Variants in CASKIN1 observed in about 807,000 individuals in gnomAD.
CASKIN1 encodes CASK interacting protein 1.
A neutral mutation model predicts 117.5 loss-of-function variants in CASKIN1; 42 were observed. The observed-to-expected ratio is 0.36, with a 90% CI of 0.28 to 0.46. CASKIN1 has a LOEUF of 0.46. Ranked by LOEUF, CASKIN1 falls within the 20% of genes least tolerant of loss-of-function variation. The pLI, the probability that CASKIN1 is intolerant of heterozygous loss-of-function variation, is 1.00. For missense variants in CASKIN1, 2,083 were observed against 2,077.3 expected (o/e 1.00, Z -0.05); for synonymous variants, 1,148 against 961.7 (o/e 1.19, Z -3.59).
chr16:2,195,012 T>G (rs973800005), intron 1 of CASKIN1, among the ~76,000 whole-genome samples: 1 of 152,196 alleles, frequency 6.6e-6, no homozygotes, highest in Non-Finnish European at 1.5e-5. Context: ...GAGCTGGAGT[T>G]GTCTGTGTCC....
chr16:2,189,163 A>AG lies in CASKIN1; in HGVS notation c.487-7dup. 6.2e-7 allele frequency: 1 copy of AG among 1,612,532 alleles called. No homozygotes were observed. Among genetic ancestry groups the AG allele is most frequent in the Non-Finnish European group, 8.5e-7 (1 of 1,179,486 alleles). On this transcript the variant is annotated splice_polypyrimidine_tract_variant and splice_region_variant and intron_variant, in intron 5 of 19. Coordinates refer to ENST00000343516, the MANE Select transcript of CASKIN1 (RefSeq NM_020764.4). ...CTGAGGAGCAGCTGGACCACCTTGA[A>AG]GGAGGGGTCAGGGTAGGGGGGTCCT...
chr16:2,188,981 A>G (rs2093192932), intron 6 of CASKIN1, 46 bp downstream of exon 6: 3 of 1,575,850 alleles, frequency 1.9e-6, no homozygotes, highest in Non-Finnish European at 1.7e-6. Context: ...CTGCTGCTGA[A>G]CCCTGGGGAC....
chr16:2,181,645 G>A (rs2093168510), intron 17 of CASKIN1, 46 bp from the exon 18 acceptor site: 8 of 1,522,424 alleles, frequency 5.3e-6, no homozygotes, highest in Non-Finnish European at 7.0e-6. Context: ...GGAGGCGGAG[G>A]GGCAGGGGCC....
chr16:2,193,000 C>T (rs531740072), intron 1 of CASKIN1, among the ~76,000 whole-genome samples: 3 of 152,300 alleles, frequency 2.0e-5, no homozygotes, highest in South Asian at 2.1e-4. Context: ...GCTCTCCTGT[C>T]GCCATCTCGA....
chr16:2,180,931 G>A lies in CASKIN1; in HGVS notation c.2437C>T (p.Pro813Ser), dbSNP rs937045795. 1 of 1,461,820 alleles carries A rather than the reference G, an allele frequency of 6.8e-7. No homozygotes were observed. 90.6% of individuals were successfully genotyped at this position (1,461,820 alleles called of 1,614,324 possible). The change falls in exon 18 of 20, where the codon CCG (proline) becomes TCG (serine). Residue 813 changes from proline (P) to serine (S), a missense_variant. Coordinates refer to ENST00000343516, the MANE Select transcript of CASKIN1 (RefSeq NM_020764.4). ...KVKPTPQLLP[P>S]TERPMSPRSL... Reference sequence around the variant, plus strand: ...CGGGGTGACATGGGGCGCTCTGTCGGCGGCAGCAGCTGCGGGGTGGGCTTC... The same window carrying A: ...CGGGGTGACATGGGGCGCTCTGTCGACGGCAGCAGCTGCGGGGTGGGCTTC...
At chr16:2,187,125 C>A (rs2093187321) in intron 8 of CASKIN1, 41 bp downstream of exon 8, 1 of 1,612,714 alleles carries the variant, frequency 6.2e-7, no homozygotes, top group Non-Finnish European at 8.5e-7. Context: ...CTGGCCCAGC[C>A]CCAGCCCCAG....
In CASKIN1 at chr16:2,182,002, G is replaced by A. The variant is rs1306651219; in HGVS notation, c.1630-73C>T. ...CCTGCCCATCTACCTGGAGCTGGAG[G>A]AGGAAGGGTCACCGGGCCAGCAGGG... On this transcript the variant is annotated intron_variant, in intron 16 of 19. Transcript: ENST00000343516. This position sits in a 1 kb window ranked among gnomAD's most constrained non-coding sequence, Gnocchi z 4.1. The A allele has an allele frequency of 6.3e-7, 1 of 1,595,640 alleles. No individual in the cohort carries two copies. Among genetic ancestry groups the A allele is most frequent in the Admixed American group, 1.7e-5 (1 of 59,562 alleles).
At position 2,184,474 on chromosome 16, in the gene CASKIN1, C is replaced by T. The variant is rs1360979579; in HGVS notation, c.1416+303G>A. Among the ~76,000 whole-genome samples, 4 of 152,290 alleles carry T rather than the reference C, an allele frequency of 2.6e-5. No homozygotes were observed. The South Asian group carries it at 6.2e-4, about 24-fold the overall frequency. On this transcript the variant is annotated intron_variant, in intron 14 of 19. Coordinates refer to ENST00000343516, the MANE Select transcript of CASKIN1 (RefSeq NM_020764.4). Reference sequence around the variant, plus strand: ...ATGCACACGCTGCACCATCTCATACCCATCCCCTTCCACCTGTACACAGAC... The same window carrying T: ...ATGCACACGCTGCACCATCTCATACTCATCCCCTTCCACCTGTACACAGAC...
At chr16:2,185,752 G>A (rs1180006489) in intron 10 of CASKIN1, among the ~76,000 whole-genome samples, 1 of 152,190 alleles carries the variant, frequency 6.6e-6, no homozygotes, top group Non-Finnish European at 1.5e-5. Context: ...GGAGCTAGAT[G>A]GCCATGGTCG....
rs1388159369 is a variant in CASKIN1 at position 2,196,478 on chromosome 16, C to T, written c.-46G>A. On this transcript the variant is annotated 5_prime_UTR_variant, in exon 1 of 20. Coordinates refer to ENST00000343516, the MANE Select transcript of CASKIN1 (RefSeq NM_020764.4). The surrounding 1 kb of genome is among the most constrained non-coding windows in gnomAD (Gnocchi z 5.7). ...GACGCGGCTGCGCTCGTGAGCTCGG[C>T]GCGGCTCAGAGGCGGCGGCGGCCCC... The T allele has an allele frequency of 3.9e-6, 4 of 1,021,788 alleles. No homozygotes were observed. The South Asian group carries it at 1.6e-4, about 42-fold the overall frequency. The allele number at this position is 1,021,788 out of a possible 1,614,324, so 63.3% of individuals were successfully genotyped here.
chr16:2,187,636 T>C (rs1043594320), intron 6 of CASKIN1, among the ~76,000 whole-genome samples, 175 bp from the exon 7 acceptor site: 4 of 152,192 alleles, frequency 2.6e-5, no homozygotes, highest in African/African-American at 9.7e-5. Flanking sequence ...TTTTTTTCTT[T>C]TTGAGACGGA....
Position 2,179,441 on chromosome 16 carries a change from C to G in CASKIN1, c.3776-116G>C. On this transcript the variant is annotated intron_variant, in intron 18 of 19. Transcript: ENST00000343516. This position sits in a 1 kb window ranked among gnomAD's most constrained non-coding sequence, Gnocchi z 5.8. Reference sequence around the variant, plus strand: ...CCGGGAAAGACCCTGCTCACCTTGCCCCCAGCCCTGGATGGATGAGAGGGT... The same window carrying G: ...CCGGGAAAGACCCTGCTCACCTTGCGCCCAGCCCTGGATGGATGAGAGGGT... The G allele has an allele frequency of 7.3e-7, 1 of 1,366,888 alleles. No homozygotes were observed. Among genetic ancestry groups the G allele is most frequent in the Non-Finnish European group, 9.4e-7 (1 of 1,066,858 alleles). 84.7% of individuals were successfully genotyped at this position (1,366,888 alleles called of 1,614,324 possible). A position where few individuals can be genotyped will look rare whatever the true frequency, so the allele number is the denominator to read the frequency against.
At position 2,178,293 on chromosome 16, in the gene CASKIN1, G is replaced by T. The variant is rs1194589320; in HGVS notation, c.*257C>A. ...CCGGGGCGCCCTCCCCTCCCGCGCG[G>T]GCAGGAGGCCCAGCAGGTATTGCAC... is the stretch of plus-strand genomic sequence containing the variant. On this transcript the variant is annotated 3_prime_UTR_variant, in exon 20 of 20. Transcript: ENST00000343516. The T allele has an allele frequency of 7.1e-6, 3 of 422,244 alleles. No individual in the cohort carries two copies. Among genetic ancestry groups the T allele is most frequent in the Non-Finnish European group, 1.3e-5 (3 of 234,822 alleles). The allele number at this position is 422,244 out of a possible 1,614,324, so 26.2% of individuals were successfully genotyped here.
chr16:2,179,950 A>C lies in CASKIN1; in HGVS notation c.3418T>G (p.Phe1140Val). Residue 1140 changes from phenylalanine (F) to valine (V), a missense_variant, in exon 18 of 20, where the codon TTC (phenylalanine) becomes GTC (valine). Physicochemically the swap from Phe to Val is conservative, Grantham distance 50. Coordinates refer to ENST00000343516, the MANE Select transcript of CASKIN1 (RefSeq NM_020764.4). This position sits in a 1 kb window ranked among gnomAD's most constrained non-coding sequence, Gnocchi z 5.8. ...ACCGTGTCAGACTCGGTCAGGATGA[A>C]CTTGACGTTCTCCTGCTGGTTCTGC... ...AKQNQQENVK[F>V]ILTESDTVKR... 1.2e-6 allele frequency: 2 copies of C among 1,606,576 alleles called. No individual in the cohort carries two copies. The highest frequency in any genetic ancestry group is 2.2e-5 in the East Asian group (1 of 44,470).
At chr16:2,183,251 T>C (rs1250324806) in intron 16 of CASKIN1, among the ~76,000 whole-genome samples, 2 of 152,196 alleles carry the variant, frequency 1.3e-5, no homozygotes, top group African/African-American at 4.8e-5. Context: ...GGCGTGTGGC[T>C]GGCACGTACC....
chr16:2,178,668 G>A (rs376498097), intron 19 of CASKIN1, 22 bp from the exon 20 acceptor site: 32 of 1,572,060 alleles, frequency 2.0e-5, no homozygotes, highest in Non-Finnish European at 2.7e-5. Flanking sequence ...GGGGCAAGGG[G>A]CGTGAGTGGG....
rs767569279 is a variant in CASKIN1 at position 2,180,133 on chromosome 16, G to C, written c.3235C>G (p.Arg1079Gly). 2 of 1,554,010 alleles carry C rather than the reference G, an allele frequency of 1.3e-6. No homozygotes were observed. Among genetic ancestry groups the C allele is most frequent in the East Asian group, 2.4e-5 (1 of 41,160 alleles). ...PVTGLLATAR[R>G]GPGESADPGP... ...GGGTCTGCCGACTCCCCAGGCCCCCGGCGGGCAGTGGCCAGAAGTCCGGTG... is the reference window on the plus strand; with the variant it reads ...GGGTCTGCCGACTCCCCAGGCCCCCCGCGGGCAGTGGCCAGAAGTCCGGTG... Residue 1079 changes from arginine to glycine, a missense_variant, in exon 18 of 20, where the codon CGG becomes GGG. Transcript: ENST00000343516.
At chr16:2,186,184 A>T (rs1280084286) in intron 10 of CASKIN1, among the ~76,000 whole-genome samples, 1 of 151,968 alleles carries the variant, frequency 6.6e-6, no homozygotes, top group Non-Finnish European at 1.5e-5. Context: ...GCCCAGGCTG[A>T]TCTCGAACTC....
chr16:2,181,127 G>A lies in CASKIN1; in HGVS notation c.2241C>T (p.His747=), dbSNP rs776373399. The A allele has an allele frequency of 1.4e-5, 20 of 1,478,382 alleles. No homozygotes were observed. Among genetic ancestry groups the A allele is most frequent in the East Asian group, 9.5e-5 (4 of 42,236 alleles). The allele number at this position is 1,478,382 out of a possible 1,614,324, so 91.6% of individuals were successfully genotyped here. Residue 747 remains histidine, a synonymous_variant, in exon 18 of 20, where the codon CAC becomes CAT. Transcript: ENST00000343516. ...TPPREARPGR[H]GHSIKRASVP... ...CGCTGGCCCTCTTGATGCTGTGGCC[G>A]TGGCGGCCGGGCCGGGCCTCCCTGG...
Sources: gnomAD v4.1 joint callset for allele counts (sites outside exome capture counted in the v4.1 genomes callset) on GRCh38, gnomAD v4.1.1 for gene constraint, Gnocchi (gnomAD v3.1) non-coding constraint, MANE v1.5 for transcripts, NCBI Gene and HGNC (gene_info 2026-07-23, HGNC 2026-07-21) for gene names.